Variants in CYP2E1 observed in about 807,000 individuals in gnomAD.
CYP2E1 encodes the protein cytochrome P450 family 2 subfamily E member 1.
In CYP2E1, 31 loss-of-function variants were observed where a neutral mutation model predicts 42.9. The ratio of observed to expected loss-of-function variants is 0.72; its 90% confidence interval spans 0.54 to 0.98. The LOEUF (loss-of-function observed/expected upper bound fraction) is 0.98, where lower values mean the gene tolerates loss of function less well. Ranked by LOEUF, CYP2E1 falls within the 50% of genes least tolerant of loss-of-function variation. The pLI is 0.00. For synonymous variants in CYP2E1, 244 were observed against 248.9 expected (o/e 0.98, Z 0.19); for missense variants, 565 against 633.2 (o/e 0.89, Z 1.16).
In CYP2E1 at chr10:133,538,991, C is replaced by A; in HGVS notation, c.*27C>A. The A allele has an allele frequency of 3.3e-6, 5 of 1,531,276 alleles. No homozygotes were observed. The highest frequency in any genetic ancestry group is 4.4e-6 in the Non-Finnish European group (5 of 1,136,860). 94.9% of individuals were successfully genotyped at this position (1,531,276 alleles called of 1,614,324 possible). A position where few individuals can be genotyped will look rare whatever the true frequency, so the allele number is the denominator to read the frequency against. ...TGTGTGGAGGACACCCTGAACCCCC[C>A]GCTTTCAAACAAGTTTTCAAATTGT... On this transcript the variant is annotated 3_prime_UTR_variant, in exon 9 of 9. Transcript: ENST00000252945.
Position 133,527,363 on chromosome 10 carries a change from C to CT in CYP2E1, c.-32dup. On this transcript the variant is annotated 5_prime_UTR_variant, in exon 1 of 9. Coordinates refer to ENST00000252945, the MANE Select transcript of CYP2E1 (RefSeq NM_000773.4). ...AAACCTTCCGTTTCCACAGGATTGT[C>CT]TCCCGGGCTGGCAGCAGGGCCCCAG... 1 of 1,429,634 alleles carries CT rather than the reference C, an allele frequency of 7.0e-7. No individual in the cohort carries two copies. Among genetic ancestry groups the CT allele is most frequent in the Non-Finnish European group, 9.1e-7 (1 of 1,093,768 alleles). The allele number at this position is 1,429,634 out of a possible 1,614,324, so 88.6% of individuals were successfully genotyped here.
chr10:133,538,151 T>C (rs1456141002), intron 8 of CYP2E1, among the ~76,000 whole-genome samples: 1 of 152,140 alleles, frequency 6.6e-6, no homozygotes, highest in Non-Finnish European at 1.5e-5. Flanking sequence ...ACATTTTACA[T>C]CATTCATTGC....
intron 2 of CYP2E1, among the ~76,000 whole-genome samples, chr10:133,530,874 T>C (rs1467072595): frequency 6.6e-6 from 1 of 152,152 alleles, no homozygotes. Flanking sequence ...TTAGTTGAGA[T>C]AAGCGTGGGA....
At chr10:133,527,623 G>A (rs867733261) in intron 1 of CYP2E1, 51 bp downstream of exon 1, 14 of 1,446,250 alleles carry the variant, frequency 9.7e-6, no homozygotes, top group Non-Finnish European at 9.6e-6. Flanking sequence ...AATTGGATCT[G>A]GTATGTGTGT....
At chr10:133,534,658 G>A (rs888599225) in intron 6 of CYP2E1, among the ~76,000 whole-genome samples, 3 of 152,196 alleles carry the variant, frequency 2.0e-5, no homozygotes, top group Non-Finnish European at 4.4e-5. Flanking sequence ...GCCTCTGCCC[G>A]AGGCAGTTCA....
chr10:133,534,905 C>T (rs1180889350), intron 6 of CYP2E1, among the ~76,000 whole-genome samples: 1 of 151,398 alleles, frequency 6.6e-6, no homozygotes, highest in Non-Finnish European at 1.5e-5. Flanking sequence ...CACTCTGTTG[C>T]CCAGGCTGGA....
In CYP2E1 at chr10:133,533,740, G is replaced by GCAC; in HGVS notation, c.826-16_826-15insCAC. 1 of 1,613,498 alleles carries GCAC rather than the reference G, an allele frequency of 6.2e-7. No individual in the cohort carries two copies. On this transcript the variant is annotated splice_polypyrimidine_tract_variant and intron_variant, in intron 5 of 8. Coordinates refer to ENST00000252945, the MANE Select transcript of CYP2E1 (RefSeq NM_000773.4). Reference sequence around the variant, plus strand: ...CAAGCAGCCCCTTCTCCTCCGGTCTGTCTCCGGTATCACAGGAAAAGCACA... The same window carrying GCAC: ...CAAGCAGCCCCTTCTCCTCCGGTCTGCACTCTCCGGTATCACAGGAAAAGCACA...
At chr10:133,530,455 C>T (rs763269386) in intron 2 of CYP2E1, among the ~76,000 whole-genome samples, 4 of 152,154 alleles carry the variant, frequency 2.6e-5, no homozygotes, top group African/African-American at 4.8e-5. Context: ...AAATGAAACC[C>T]TCAGTCCAGC....
rs568581868 is a variant in CYP2E1 at position 133,538,481 on chromosome 10, T to C, written c.1298-299T>C. On this transcript the variant is annotated intron_variant, in intron 8 of 8. Transcript: ENST00000252945. Reference sequence around the variant, plus strand: ...TCCTGTAGGCATCACTGATGAGCACTGGGGGTGCCTTCTTTACTGGGCAGA... The same window carrying C: ...TCCTGTAGGCATCACTGATGAGCACCGGGGGTGCCTTCTTTACTGGGCAGA... Among the ~76,000 whole-genome samples the C allele has an allele frequency of 1.2e-3, 183 of 152,316 alleles. 1 individual carries two copies. The highest frequency in any genetic ancestry group is 1.2e-3 in the Non-Finnish European group (81 of 68,018).
chr10:133,527,562 C>T lies in CYP2E1; in HGVS notation c.167C>T (p.Ser56Phe), dbSNP rs958141259. 2 of 1,610,176 alleles carry T rather than the reference C, an allele frequency of 1.2e-6. No homozygotes were observed. The highest frequency in any genetic ancestry group is 1.6e-4 in the Middle Eastern group (1 of 6,076). The change falls in exon 1 of 9, where the codon TCC (serine) becomes TTC (phenylalanine). Residue 56 changes from serine (S) to phenylalanine (F), a missense_variant. Transcript: ENST00000252945. Reference protein sequence around the residue: ...FQLELKNIPKSFTRLAQRFGP... With the variant: ...FQLELKNIPKFFTRLAQRFGP... ...TTGGAATTGAAGAATATTCCCAAGT[C>T]CTTCACCCGGGTAAGAGAAATAGTG...
chr10:133,532,141 A>T lies in CYP2E1; in HGVS notation c.505A>T (p.Thr169Ser), dbSNP rs750206115. 1 of 1,613,498 alleles carries T rather than the reference A, an allele frequency of 6.2e-7. No individual in the cohort carries two copies. The highest frequency in any genetic ancestry group is 1.3e-5 in the African/African-American group (1 of 74,838). Reference sequence around the variant, plus strand: ...TTTTGTAGGCCAGCCTTTCGACCCCACCTTCCTCATCGGCTGCGCGCCCTG... The same window carrying T: ...TTTTGTAGGCCAGCCTTTCGACCCCTCCTTCCTCATCGGCTGCGCGCCCTG... Reference protein sequence around the residue: ...RKTQGQPFDPTFLIGCAPCNV... With the variant: ...RKTQGQPFDPSFLIGCAPCNV... The change falls in exon 4 of 9, where the codon ACC becomes TCC. Residue 169 changes from threonine (T) to serine (S), a missense_variant. Thr to Ser is a moderately conservative substitution (Grantham distance 58, BLOSUM62 1). Coordinates refer to ENST00000252945, the MANE Select transcript of CYP2E1 (RefSeq NM_000773.4).
intron 6 of CYP2E1, among the ~76,000 whole-genome samples, chr10:133,534,820 C>T (rs1332751483): frequency 6.6e-6 from 1 of 151,898 alleles, no homozygotes. Flanking sequence ...AGGGTCAGAC[C>T]CTGGGCTTTT....
At position 133,537,855 on chromosome 10, in the gene CYP2E1, G is replaced by A. The variant is rs1020128633; in HGVS notation, c.1260G>A (p.Lys420=). The A allele has an allele frequency of 9.9e-6, 16 of 1,613,906 alleles. No individual in the cohort carries two copies. The highest frequency in any genetic ancestry group is 1.4e-5 in the Non-Finnish European group (16 of 1,179,902). Residue 420 remains lysine, a synonymous_variant, in exon 8 of 9, where the codon AAG becomes AAA. Coordinates refer to ENST00000252945, the MANE Select transcript of CYP2E1 (RefSeq NM_000773.4). ...KPEHFLNENG[K]FKYSDYFKPF... is the part of the protein sequence containing the mutation. ...AACACTTCCTGAATGAAAATGGAAAGTTCAAGTACAGTGACTATTTCAAGC... is the reference window on the plus strand; with the variant it reads ...AACACTTCCTGAATGAAAATGGAAAATTCAAGTACAGTGACTATTTCAAGC...
In CYP2E1 at chr10:133,537,143, A is replaced by G. The variant is rs1396367463; in HGVS notation, c.1048A>G (p.Met350Val). Residue 350 changes from methionine (M) to valine (V), a missense_variant, in exon 7 of 9, where the codon ATG (methionine) becomes GTG (valine). Coordinates refer to ENST00000252945, the MANE Select transcript of CYP2E1 (RefSeq NM_000773.4). Reference protein sequence around the residue: ...AIKDRQEMPYMDAVVHEIQRF... With the variant: ...AIKDRQEMPYVDAVVHEIQRF... ...CAAGGATAGGCAAGAGATGCCCTAC[A>G]TGGATGCTGTGGTGCATGAGATTCA... is the stretch of plus-strand genomic sequence containing the variant. 4 of 1,614,076 alleles carry G rather than the reference A, an allele frequency of 2.5e-6. No individual in the cohort carries two copies. The highest frequency in any genetic ancestry group is 1.7e-6 in the Non-Finnish European group (2 of 1,179,964).
chr10:133,538,316 A>T (rs1412256462), intron 8 of CYP2E1, among the ~76,000 whole-genome samples: 6 of 151,924 alleles, frequency 3.9e-5, no homozygotes, highest in African/African-American at 1.5e-4. Flanking sequence ...CTGGGATGTG[A>T]CTCAGTGATT....
At chr10:133,529,284 G>A (rs909779994) in intron 2 of CYP2E1, among the ~76,000 whole-genome samples, 4 of 152,220 alleles carry the variant, frequency 2.6e-5, no homozygotes, top group South Asian at 2.1e-4. Context: ...GTTGCGGTCT[G>A]GAGGTCTGGC....
chr10:133,528,516 C>T lies in CYP2E1; in HGVS notation c.213C>T (p.Tyr71=), dbSNP rs879876047. Residue 71 remains tyrosine, a synonymous_variant, in exon 2 of 9, where the codon TAC becomes TAT. Transcript: ENST00000252945. The part of the protein sequence containing the change: ...AQRFGPVFTL[Y]VGSQRMVVMH... Reference sequence around the variant, plus strand: ...GCTTCGGGCCGGTGTTCACGCTGTACGTGGGCTCGCAGCGCATGGTGGTGA... The same window carrying T: ...GCTTCGGGCCGGTGTTCACGCTGTATGTGGGCTCGCAGCGCATGGTGGTGA... 1.2e-6 allele frequency: 2 copies of T among 1,613,444 alleles called. No individual in the cohort carries two copies. The highest frequency in any genetic ancestry group is 2.2e-5 in the East Asian group (1 of 44,850).
intron 2 of CYP2E1, among the ~76,000 whole-genome samples, chr10:133,530,071 G>T (rs1851318815): frequency 6.6e-6 from 1 of 152,102 alleles, no homozygotes; most frequent in South Asian, 2.1e-4. Flanking sequence ...CACAGATGGG[G>T]CTCAAGGGGA....
At chr10:133,533,586 T>A (rs1851363809) in intron 5 of CYP2E1, among the ~76,000 whole-genome samples, 170 bp from the exon 6 acceptor site, 4 of 152,172 alleles carry the variant, frequency 2.6e-5, no homozygotes, top group Non-Finnish European at 4.4e-5. Flanking sequence ...TCAGTTTCCC[T>A]GGCTGTGAGG....
Sources: gnomAD v4.1 joint callset for allele counts (sites outside exome capture counted in the v4.1 genomes callset) on GRCh38, gnomAD v4.1.1 for gene constraint, MANE v1.5 for transcripts, NCBI Gene and HGNC (gene_info 2026-07-23, HGNC 2026-07-21) for gene names.